The following SDHA variants were observed in gnomAD, a reference collection of about 807,000 sequenced individuals.
SDHA encodes succinate dehydrogenase complex flavoprotein subunit A, also known as succinate dehydrogenase [ubiquinone] flavoprotein subunit, mitochondrial.
SDHA carries 48 observed loss-of-function variants against 78.4 expected under a neutral mutation model. The observed-to-expected ratio is 0.61, with a 90% confidence interval of 0.49 to 0.78. The LOEUF is 0.78. SDHA is among the 30% of genes least tolerant of loss of function. The probability of loss-of-function intolerance (pLI) is 0.00; values close to 1 mark genes in which losing one functional copy is unlikely to be tolerated. For synonymous variants in SDHA, 326 were observed against 353.9 expected (o/e 0.92, Z 0.88); for missense variants, 680 against 892.7 (o/e 0.76, Z 3.04).
In SDHA at chr5:226,056, G is replaced by A. The variant is rs1060505005; in HGVS notation, c.621+9G>A. On this transcript the variant is annotated intron_variant, in intron 5 of 14. Transcript: ENST00000264932. The stretch of plus-strand genomic sequence containing the variant: ...ACACCTTATATGGAAGGGTAAGGCC[G>A]CCCCCGTCCACCTGAGACAGGACAC... 10 of 1,613,900 alleles carry A rather than the reference G, an allele frequency of 6.2e-6. No homozygotes were observed. Among genetic ancestry groups the A allele is most frequent in the Middle Eastern group, 1.7e-4 (1 of 6,048 alleles).
At position 218,342 on chromosome 5, in the gene SDHA, C is replaced by A. The variant is rs779880614; in HGVS notation, c.-14C>A. 1 of 1,446,822 alleles carries A rather than the reference C, an allele frequency of 6.9e-7. No individual in the cohort carries two copies. The highest frequency in any genetic ancestry group is 9.0e-7 in the Non-Finnish European group (1 of 1,108,538). 89.6% of individuals were successfully genotyped at this position (1,446,822 alleles called of 1,614,324 possible). A position where few individuals can be genotyped will look rare whatever the true frequency, so the allele number is the denominator to read the frequency against. On this transcript the variant is annotated 5_prime_UTR_variant, in exon 1 of 15. Coordinates refer to ENST00000264932, the MANE Select transcript of SDHA (RefSeq NM_004168.4). ...CGCAGGGACTGGCGGGACTGCGCGGCGGCAACAGCAGACATGTCGGGGGTC... is the reference window on the plus strand; with the variant it reads ...CGCAGGGACTGGCGGGACTGCGCGGAGGCAACAGCAGACATGTCGGGGGTC...
intron 1 of SDHA, among the ~76,000 whole-genome samples, chr5:221,835 C>T (rs1019269219): frequency 2.0e-5 from 3 of 151,966 alleles, no homozygotes; most frequent in African/African-American, 7.2e-5. Flanking sequence ...AGGGGGATGG[C>T]GTGATAATTT....
chr5:265,308 A>T, the SDHA span, among the ~76,000 whole-genome samples: 12 of 152,256 alleles, frequency 7.9e-5, no homozygotes, highest in African/African-American at 2.9e-4. Flanking sequence ...TCACATAGAC[A>T]CATTTCCTAG....
At chr5:221,102 C>T (rs1407330563) in intron 1 of SDHA, among the ~76,000 whole-genome samples, 1 of 152,132 alleles carries the variant, frequency 6.6e-6, no homozygotes, top group African/African-American at 2.4e-5. Context: ...TGTGAGCCAC[C>T]ACGCCCGGCC....
At chr5:252,503 A>T (rs1736905563) in intron 13 of SDHA, among the ~76,000 whole-genome samples, 1 of 149,424 alleles carries the variant, frequency 6.7e-6, no homozygotes. Flanking sequence ...CTGTGGAGGA[A>T]ATGCCAGTTT....
Position 228,276 on chromosome 5 carries a change from G to T in SDHA, c.713G>T (p.Cys238Phe), listed in dbSNP as rs1168458733. The change falls in exon 6 of 15, where the codon TGC becomes TTC. Residue 238 changes from cysteine to phenylalanine, a missense_variant. Coordinates refer to ENST00000264932, the MANE Select transcript of SDHA (RefSeq NM_004168.4). ...GAGTGCCGTGGTGTCATCGCACTGTGCATAGAGGACGGGTCCATCCATCGC... is the reference window on the plus strand; with the variant it reads ...GAGTGCCGTGGTGTCATCGCACTGTTCATAGAGGACGGGTCCATCCATCGC... ...NGECRGVIAL[C>F]IEDGSIHRIR... The T allele has an allele frequency of 5.0e-6, 8 of 1,613,878 alleles. No homozygotes were observed. Among genetic ancestry groups the T allele is most frequent in the Non-Finnish European group, 5.9e-6 (7 of 1,179,800 alleles).
intron 11 of SDHA, among the ~76,000 whole-genome samples, chr5:245,734 C>T (rs112337817): frequency 0.032 from 4,913 of 152,260 alleles, 116 homozygotes; most frequent in Admixed American, 0.053. Flanking sequence ...AGTAGCCATA[C>T]GTAGGGATCA....
chr5:264,275 T>C, the SDHA span, among the ~76,000 whole-genome samples: 257 of 152,334 alleles, frequency 1.7e-3, 1 homozygote, highest in African/African-American at 6.0e-3. Flanking sequence ...ATTGAAAGAA[T>C]AGTATCTGAA....
At chr5:235,639 A>G (rs987128465) in intron 9 of SDHA, 8 of 426,754 alleles carry the variant, frequency 1.9e-5, no homozygotes, top group African/African-American at 1.6e-4. Context: ...GGATCTTTAT[A>G]ATTCATTCCT....
Position 240,290 on chromosome 5 carries a change from C to T in SDHA, c.1433-68C>T, listed in dbSNP as rs1328433369. On this transcript the variant is annotated intron_variant, in intron 10 of 14. Transcript: ENST00000264932. ...GTGGCTGTGCTACATGTTTGTGTGT[C>T]ATTCTAAATCCATTTGGTTTTTTAA... 3 of 962,642 alleles carry T rather than the reference C, an allele frequency of 3.1e-6. No individual in the cohort carries two copies. The East Asian group carries it at 7.6e-5, about 24-fold the overall frequency. 59.6% of individuals were successfully genotyped at this position (962,642 alleles called of 1,614,324 possible).
chr5:234,779 T>G (rs891414156), intron 8 of SDHA: 47 of 326,044 alleles, frequency 1.4e-4, no homozygotes, highest in Non-Finnish European at 2.6e-4. Flanking sequence ...CCACGGATTT[T>G]GGTATCCGTG....
intron 7 of SDHA, 58 bp from the exon 8 acceptor site, chr5:233,419 G>T: frequency 1.3e-6 from 2 of 1,567,110 alleles, no homozygotes; most frequent in Non-Finnish European, 1.8e-6. Context: ...AAAAAATAAT[G>T]CATTTGAAAT....
At chr5:258,707 C>T (rs1194056346), downstream of SDHA, among the ~76,000 whole-genome samples, 495 of 75,686 alleles carry the variant, frequency 6.5e-3, 41 homozygotes, top group African/African-American at 0.028. Context: ...CCGCCTCCCG[C>T]CAGAGCATTA....
At chr5:254,986 T>G (rs1347584994) in intron 14 of SDHA, among the ~76,000 whole-genome samples, 1 of 151,774 alleles carries the variant, frequency 6.6e-6, no homozygotes, top group East Asian at 1.9e-4. Context: ...TAGCATCCCC[T>G]GGGCACTGAG....
At chr5:234,904 C>T (rs1187638075) in intron 8 of SDHA, 42 of 570,478 alleles carry the variant, frequency 7.4e-5, no homozygotes, top group Non-Finnish European at 1.1e-4. Flanking sequence ...CTGAGACGAG[C>T]GTGAGTTTAG....
At chr5:231,825 C>T (rs10077076) in intron 7 of SDHA, among the ~76,000 whole-genome samples, 36,329 of 151,758 alleles carry the variant, frequency 0.24, 6,862 homozygotes, top group African/African-American at 0.53. Flanking sequence ...AGGACGCAGC[C>T]GTGACAGAAC....
chr5:252,072 TAAC>T (rs1736865804), intron 13 of SDHA, among the ~76,000 whole-genome samples: 1 of 149,254 alleles, frequency 6.7e-6, no homozygotes, highest in Non-Finnish European at 1.5e-5. Context: ...GTTTATTAAA[TAAC>T]GAGTAAGCCA....
intron 1 of SDHA, among the ~76,000 whole-genome samples, chr5:219,492 A>G (rs1734592480): frequency 6.6e-6 from 1 of 152,232 alleles, no homozygotes; most frequent in African/African-American, 2.4e-5. Flanking sequence ...TATGCCTGTA[A>G]TTGTGCAATT....
At chr5:226,386 C>G (rs1004576292) in intron 5 of SDHA, among the ~76,000 whole-genome samples, 1 of 152,190 alleles carries the variant, frequency 6.6e-6, no homozygotes, top group Admixed American at 6.5e-5. Flanking sequence ...AATCCCAGCA[C>G]TTTAGGAGGC....
Sources: allele counts gnomAD v4.1 joint callset (sites outside exome capture counted in the v4.1 genomes callset), GRCh38; gene constraint gnomAD v4.1.1; transcripts MANE v1.5; gene names NCBI Gene and HGNC (gene_info 2026-07-23, HGNC 2026-07-21).